Variants in BACH1 observed in about 807,000 individuals in gnomAD.
BACH1 encodes the protein transcription regulator protein BACH1.
BACH1 carries 35 observed loss-of-function variants against 52.9 expected under a neutral mutation model. The ratio of observed to expected loss-of-function variants is 0.66; its 90% CI spans 0.51 to 0.88. BACH1 has a LOEUF of 0.88. Ranked by LOEUF, BACH1 falls within the 40% of genes least tolerant of loss-of-function variation. The pLI is 0.00. For synonymous variants in BACH1, 321 were observed against 319.6 expected (o/e 1.00, Z -0.05); for missense variants, 808 against 872.6 (o/e 0.93, Z 0.93).
downstream of BACH1, among the ~76,000 whole-genome samples, chr21:29,348,458 G>A (rs1366508307): frequency 6.9e-6 from 1 of 145,152 alleles, no homozygotes; most frequent in Admixed American, 6.7e-5. Flanking sequence ...AACCTCAATA[G>A]TATCTGGAAA....
At chr21:29,334,825 A>T (rs2089025679) in intron 4 of BACH1, among the ~76,000 whole-genome samples, 1 of 152,228 alleles carries the variant, frequency 6.6e-6, no homozygotes, top group Non-Finnish European at 1.5e-5. Context: ...GGTGAAGATT[A>T]TATTTTATTA....
At chr21:29,318,263 T>G (rs1601347798) in intron 1 of BACH1, among the ~76,000 whole-genome samples, 2 of 152,078 alleles carry the variant, frequency 1.3e-5, no homozygotes, top group East Asian at 3.9e-4. Context: ...TGGATTAGAG[T>G]TGTGCTGATG....
At chr21:29,360,836 A>G (rs550148336) in intron 2 of BACH1, among the ~76,000 whole-genome samples, 157 of 125,146 alleles carry the variant, frequency 1.3e-3, no homozygotes, top group African/African-American at 4.7e-3. Context: ...ACAGAGCAAG[A>G]CCCTGTCTCA....
Position 29,332,636 on chromosome 21 carries a change from C to T in BACH1, c.1776+2943C>T, listed in dbSNP as rs772606414. 1.7e-4 allele frequency among the ~76,000 whole-genome samples: 26 copies of T among 152,170 alleles called. 1 individual carries two copies. Among genetic ancestry groups the T allele is most frequent in the Admixed American group, 7.2e-4 (11 of 15,278 alleles). ...GAACCCAGGGACTTCTCTGTGCACC[C>T]GCTTCGCTCTCTATCCGAGAGTGGC... On this transcript the variant is annotated intron_variant, in intron 4 of 4. Transcript: ENST00000286800.
rs1395395848 is a variant in BACH1 at position 29,302,370 on chromosome 21, G to A, written c.-61+3417G>A. ...TTGACTTACACTCTCCTGAAGCCCA[G>A]GCACCTGGCTTACACAGTGCACTAA... On this transcript the variant is annotated intron_variant, in intron 1 of 4. Transcript: ENST00000286800. Among the ~76,000 whole-genome samples, 3 of 152,172 alleles carry A rather than the reference G, an allele frequency of 2.0e-5. No homozygotes were observed. In the East Asian group the frequency reaches 5.8e-4, roughly 29 times the overall value.
chr21:29,340,086 T>A (rs1280249187), intron 4 of BACH1, among the ~76,000 whole-genome samples: 2 of 152,224 alleles, frequency 1.3e-5, no homozygotes, highest in East Asian at 1.9e-4. Context: ...ATTGTAGGGA[T>A]AGGTAGCAGG....
At chr21:29,324,320 A>G (rs1294906567) in intron 2 of BACH1, among the ~76,000 whole-genome samples, 3 of 151,214 alleles carry the variant, frequency 2.0e-5, no homozygotes, top group African/African-American at 7.3e-5. Flanking sequence ...TCTCCTGCCT[A>G]CACTCCATGC....
At chr21:29,341,819 C>T (rs1379194223) in intron 4 of BACH1, among the ~76,000 whole-genome samples, 1 of 152,214 alleles carries the variant, frequency 6.6e-6, no homozygotes, top group African/African-American at 2.4e-5. Context: ...AGCACAATAT[C>T]TGTCAGAGAA....
At position 29,329,664 on chromosome 21, in the gene BACH1, C is replaced by G; in HGVS notation, c.1747C>G (p.Gln583Glu). Residue 583 changes from glutamine to glutamate, a missense_variant, in exon 4 of 5, where the codon CAG (glutamine) becomes GAG (glutamate). Gln to Glu is a conservative substitution (Grantham distance 29). Coordinates refer to ENST00000286800, the MANE Select transcript of BACH1 (RefSeq NM_001186.4). Reference protein sequence around the residue: ...RCRKRKLDCIQNLESEIEKLQ... With the variant: ...RCRKRKLDCIENLESEIEKLQ... ...TCGCAAGAGAAAACTTGACTGTATACAGAATCTTGAATCAGAAATTGAGAA... is the reference window on the plus strand; with the variant it reads ...TCGCAAGAGAAAACTTGACTGTATAGAGAATCTTGAATCAGAAATTGAGAA... 6.5e-7 allele frequency: 1 copy of G among 1,550,382 alleles called. No homozygotes were observed. Among genetic ancestry groups the G allele is most frequent in the South Asian group, 1.2e-5 (1 of 80,314 alleles).
chr21:29,336,318 G>A (rs1299654091), intron 4 of BACH1, among the ~76,000 whole-genome samples: 1 of 152,214 alleles, frequency 6.6e-6, no homozygotes, highest in Non-Finnish European at 1.5e-5. Flanking sequence ...TGAGGAGACT[G>A]AGTTTAAACA....
At chr21:29,337,570 T>G (rs2089059070) in intron 4 of BACH1, among the ~76,000 whole-genome samples, 1 of 152,228 alleles carries the variant, frequency 6.6e-6, no homozygotes, top group Admixed American at 6.5e-5. Flanking sequence ...TACAGTAAGT[T>G]CTCACTTAAC....
At position 29,326,518 on chromosome 21, in the gene BACH1, A is replaced by G; in HGVS notation, c.694A>G (p.Lys232Glu). The G allele has an allele frequency of 6.2e-7, 1 of 1,614,210 alleles. No individual in the cohort carries two copies. The highest frequency in any genetic ancestry group is 8.5e-7 in the Non-Finnish European group (1 of 1,180,044). ...ATGCCCCAAATACAGAAAATTCCAA[A>G]AAGCATTTGGAACTGACAGAGTCCG... ...SLCPKYRKFQKAFGTDRVRTG... is the reference protein window; with the variant it reads ...SLCPKYRKFQEAFGTDRVRTG... Residue 232 changes from lysine (K) to glutamate (E), a missense_variant, in exon 3 of 5, where the codon AAA becomes GAA. Transcript: ENST00000286800.
intron 4 of BACH1, among the ~76,000 whole-genome samples, chr21:29,334,933 C>T (rs987615265): frequency 3.9e-5 from 6 of 152,158 alleles, no homozygotes; most frequent in Admixed American, 1.3e-4. Flanking sequence ...TCTGTCATTC[C>T]GTGTTGTCGT....
rs953244233 is a variant in BACH1 at position 29,344,520 on chromosome 21, A to G, written c.*1687A>G. On this transcript the variant is annotated 3_prime_UTR_variant, in exon 5 of 5. Transcript: ENST00000286800. ...TGTATGTTCTCTCTGTCACTGACTT[A>G]TTTGTAAGAGAAAATTAGTTGGACT... 1 of 152,552 alleles carries G rather than the reference A, an allele frequency of 6.6e-6. No homozygotes were observed. Among genetic ancestry groups the G allele is most frequent in the Non-Finnish European group, 1.5e-5 (1 of 68,028 alleles). 9.4% of individuals were successfully genotyped at this position (152,552 alleles called of 1,614,324 possible).
chr21:29,332,034 G>A (rs2088989848), intron 4 of BACH1, among the ~76,000 whole-genome samples: 2 of 152,130 alleles, frequency 1.3e-5, no homozygotes, highest in Non-Finnish European at 2.9e-5. Context: ...CCGGGTTCAA[G>A]CAATTCTCCT....
chr21:29,324,363 A>C (rs2088884552), intron 2 of BACH1, among the ~76,000 whole-genome samples: 1 of 151,974 alleles, frequency 6.6e-6, no homozygotes, highest in Admixed American at 6.6e-5. Flanking sequence ...TCCGTGCCTA[A>C]TCCATGGCAA....
chr21:29,359,907 C>G (rs1184735479), intron 2 of BACH1, among the ~76,000 whole-genome samples: 4 of 152,150 alleles, frequency 2.6e-5, no homozygotes, highest in Admixed American at 1.3e-4. Flanking sequence ...GTGACAAATG[C>G]ATTTCTCATT....
intron 3 of BACH1, 45 bp from the exon 4 acceptor site, chr21:29,329,436 CTATAAT>C (rs1189847263): frequency 1.5e-6 from 2 of 1,375,446 alleles, no homozygotes; most frequent in South Asian, 1.6e-5. Context: ...CTAGGTTTGA[CTATAAT>C]TATAAAATAC....
rs775625474 is a variant in BACH1, at chr21:29,321,499, T to G, written c.219T>G (p.Ile73Met). 2.5e-6 allele frequency: 4 copies of G among 1,613,858 alleles called. No individual in the cohort carries two copies. Among genetic ancestry groups the G allele is most frequent in the Non-Finnish European group, 2.5e-6 (3 of 1,179,848 alleles). ...IVGQADGELN[I>M]TLPEEVTVKG... ...GCCAGGCTGATGGAGAGCTGAACAT[T>G]ACTCTTCCAGAAGAGGTGAGAGATC... Residue 73 changes from isoleucine to methionine, a missense_variant, in exon 2 of 5, where the codon ATT becomes ATG. By Grantham distance (10) the Ile-to-Met change is conservative. Transcript: ENST00000286800.
Sources: gnomAD v4.1 joint callset for allele counts (sites outside exome capture counted in the v4.1 genomes callset) on GRCh38, gnomAD v4.1.1 for gene constraint, MANE v1.5 for transcripts, NCBI Gene and HGNC (gene_info 2026-07-23, HGNC 2026-07-21) for gene names.